Variants in ANKLE2 observed in about 807,000 individuals in gnomAD.
ANKLE2 encodes ankyrin repeat and LEM domain-containing protein 2.
In ANKLE2, 55 loss-of-function variants were observed where a neutral mutation model predicts 84.2. The ratio of observed to expected loss-of-function variants is 0.65; its 90% confidence interval spans 0.53 to 0.82. The LOEUF is 0.82. Ranked by LOEUF, ANKLE2 falls within the 40% of genes least tolerant of loss-of-function variation. The pLI, the probability that ANKLE2 is intolerant of heterozygous loss-of-function variation, is 0.00. For synonymous variants in ANKLE2, 551 were observed against 486.1 expected (o/e 1.13, Z -1.76); for missense variants, 1,238 against 1,201.9 (o/e 1.03, Z -0.44).
At chr12:132,761,106 A>G (rs1290953130) in intron 1 of ANKLE2, 1 of 152,660 alleles carries the variant, frequency 6.6e-6, no homozygotes, top group East Asian at 1.9e-4. Flanking sequence ...CAGACCCGAC[A>G]GTCTACCGCA....
chr12:132,761,788 G>T lies in ANKLE2; in HGVS notation c.11C>A (p.Pro4Gln). The T allele has an allele frequency of 9.7e-6, 11 of 1,137,994 alleles. No homozygotes were observed. The highest frequency in any genetic ancestry group is 1.2e-5 in the Non-Finnish European group (11 of 929,974). 70.5% of individuals were successfully genotyped at this position (1,137,994 alleles called of 1,614,324 possible). The change falls in exon 1 of 13, where the codon CCG becomes CAG. Residue 4 changes from proline to glutamine, a missense_variant. Physicochemically the swap from Pro to Gln is moderately conservative, Grantham distance 76. Around this residue, in one of 3 missense-constraint regions of ANKLE2, gnomAD observed 422 missense variants for 394.5 expected, o/e 1.07. Transcript: ENST00000357997. Reference protein sequence around the residue: MLWPRLAAAEWAAL... With the variant: MLWQRLAAAEWAAL... ...CGCCCACTCGGCCGCCGCCAGCCGC[G>T]GCCACAGCATCGCCGCCGCCCGGGC...
rs755464681 is a variant in ANKLE2 at position 132,730,143 on chromosome 12, C to T, written c.2019G>A (p.Arg673=). 6.2e-6 allele frequency: 10 copies of T among 1,612,238 alleles called. No individual in the cohort carries two copies. The Admixed American group carries it at 8.3e-5, about 13-fold the overall frequency. Reference sequence around the variant, plus strand: ...CCTGCTCCAAGGGGAAGGCGCTGCACCTCGTATGTCCAAAAGCACCGACTG... The same window carrying T: ...CCTGCTCCAAGGGGAAGGCGCTGCATCTCGTATGTCCAAAAGCACCGACTG... ...PPTVGAFGHT[R]CSAFPLEQEA... is the part of the protein sequence containing the mutation. Residue 673 remains arginine (R), a synonymous_variant, in exon 11 of 13, where the codon AGG becomes AGA. Coordinates refer to ENST00000357997, the MANE Select transcript of ANKLE2 (RefSeq NM_015114.3).
At chr12:132,730,358 CCCCAGCAACAGCAA>C (rs546416652) in intron 10 of ANKLE2, 88 bp from the exon 11 acceptor site, 95,890 of 461,592 alleles carry the variant, frequency 0.21, 11,576 homozygotes, top group East Asian at 0.62. Context: ...ACTGCCGTGA[CCCCAGCAACAGCAA>C]CTCTTATACC....
At chr12:132,755,620 G>C (rs1463279932) in intron 1 of ANKLE2, 1 of 151,712 alleles carries the variant, frequency 6.6e-6, no homozygotes, top group Non-Finnish European at 1.5e-5. Context: ...GAGTGCAGTG[G>C]TGCTATCGCA....
rs768549526 is a variant in ANKLE2 at position 132,730,199 on chromosome 12, G to C, written c.1963C>G (p.Gln655Glu). The C allele has an allele frequency of 2.5e-6, 4 of 1,599,880 alleles. No individual in the cohort carries two copies. In the South Asian group the frequency reaches 4.4e-5, roughly 18 times the overall value. The change falls in exon 11 of 13, where the codon CAA becomes GAA. Residue 655 changes from glutamine to glutamate, a missense_variant. Around this residue, in one of 3 missense-constraint regions of ANKLE2, gnomAD observed 802 missense variants for 774.5 expected, o/e 1.04. Transcript: ENST00000357997. ...GGGCTGTTATTTCGAGCTGCATTTT[G>C]CCGATTTTTTATTTCTTCCAAGCTC... Reference protein sequence around the residue: ...DMSLEEIKNRQNAARNNSPPT... With the variant: ...DMSLEEIKNRENAARNNSPPT...
intron 7 of ANKLE2, among the ~76,000 whole-genome samples, chr12:132,741,167 A>G (rs534526069): frequency 6.6e-6 from 1 of 152,328 alleles, no homozygotes; most frequent in East Asian, 1.9e-4. Context: ...GCGACACACA[A>G]CCTCAAAAAA....
At chr12:132,735,056 T>C (rs1352009267) in intron 9 of ANKLE2, 2 of 307,418 alleles carry the variant, frequency 6.5e-6, no homozygotes, top group African/African-American at 4.5e-5. Flanking sequence ...GATTACAGCA[T>C]AATTTAGCTT....
Position 132,730,071 on chromosome 12 carries a change from G to A in ANKLE2, c.2091C>T (p.Ser697=), listed in dbSNP as rs1270069410. 1.9e-6 allele frequency: 3 copies of A among 1,612,742 alleles called. No homozygotes were observed. Among genetic ancestry groups the A allele is most frequent in the African/African-American group, 2.7e-5 (2 of 75,040 alleles). The change falls in exon 11 of 13, where the codon AGC becomes AGT. Residue 697 remains serine, a synonymous_variant. Transcript: ENST00000357997. ...EAAEPGGPHS[S]RNGLCHPLNH... ...TCAGAGGATGGCAGAGCCCATTTCTGCTGCTGTGTGGACCTCCCGGCTCGG... is the reference window on the plus strand; with the variant it reads ...TCAGAGGATGGCAGAGCCCATTTCTACTGCTGTGTGGACCTCCCGGCTCGG...
chr12:132,735,641 G>T, intron 8 of ANKLE2, 129 bp from the exon 9 acceptor site: 1 of 713,460 alleles, frequency 1.4e-6, no homozygotes, highest in Non-Finnish European at 2.3e-6. Flanking sequence ...CCCTTCACTA[G>T]CAGATCCCTG....
At chr12:132,752,535 A>G (rs2044378915) in intron 2 of ANKLE2, among the ~76,000 whole-genome samples, 2 of 152,042 alleles carry the variant, frequency 1.3e-5, no homozygotes, top group South Asian at 2.1e-4. Context: ...ACACCCCGCT[A>G]ATTTTCTGTA....
Position 132,727,305 on chromosome 12 carries a change from G to A in ANKLE2, c.2754C>T (p.Tyr918=), listed in dbSNP as rs1189692543. The change falls in exon 13 of 13, where the codon TAC becomes TAT. Residue 918 remains tyrosine, a synonymous_variant. Transcript: ENST00000357997. ...AKPGLGSPGR[Y]SPVHGSQLRR... is the part of the protein sequence containing the mutation. Reference sequence around the variant, plus strand: ...GGAGCTGGCTCCCGTGCACGGGGCTGTAGCGCCCAGGACTGCCCAGGCCTG... The same window carrying A: ...GGAGCTGGCTCCCGTGCACGGGGCTATAGCGCCCAGGACTGCCCAGGCCTG... The A allele has an allele frequency of 3.8e-6, 6 of 1,564,978 alleles. No individual in the cohort carries two copies. The South Asian group carries it at 5.9e-5, about 15-fold the overall frequency.
In ANKLE2 at chr12:132,727,268, G is replaced by GC; in HGVS notation, c.2790dup (p.Arg931AlafsTer4). 6.4e-7 allele frequency: 1 copy of GC among 1,562,232 alleles called. No homozygotes were observed. Among genetic ancestry groups the GC allele is most frequent in the African/African-American group, 1.4e-5 (1 of 73,694 alleles). On this transcript the variant is annotated frameshift_variant, in exon 13 of 13. Coordinates refer to ENST00000357997, the MANE Select transcript of ANKLE2 (RefSeq NM_015114.3). LOFTEE classifies it high-confidence loss of function. Reference sequence around the variant, plus strand: ...TACAGGGCGGCAAGCTCAGCCAGGCGCGCCATCCTGCGGAGCTGGCTCCCG... The same window carrying GC: ...TACAGGGCGGCAAGCTCAGCCAGGCGCCGCCATCCTGCGGAGCTGGCTCCCG...
At chr12:132,742,771 T>G in intron 6 of ANKLE2, among the ~76,000 whole-genome samples, 1 of 150,742 alleles carries the variant, frequency 6.6e-6, no homozygotes. Flanking sequence ...CTCACCACCA[T>G]CATCCTCACT....
intron 2 of ANKLE2, among the ~76,000 whole-genome samples, chr12:132,754,044 C>T (rs1461420559): frequency 1.3e-5 from 2 of 151,614 alleles, no homozygotes; most frequent in Non-Finnish European, 2.9e-5. Context: ...AGTTCAAGAC[C>T]AGCCTGGCCA....
chr12:132,727,534 A>T, intron 12 of ANKLE2, 91 bp from the exon 13 acceptor site: 1 of 1,463,390 alleles, frequency 6.8e-7, no homozygotes, highest in Non-Finnish European at 9.3e-7. Flanking sequence ...AGACTCAGGC[A>T]CATGCGCCCG....
chr12:132,729,627 G>T, intron 11 of ANKLE2, 52 bp downstream of exon 11: 1 of 645,992 alleles, frequency 1.5e-6, no homozygotes. Flanking sequence ...GAGGGGGAGG[G>T]GGGAGGGAAG....
In ANKLE2 at chr12:132,728,182, G is replaced by A. The variant is rs1227828104; in HGVS notation, c.2484-19C>T. 2 of 1,603,054 alleles carry A rather than the reference G, an allele frequency of 1.2e-6. No homozygotes were observed. Among genetic ancestry groups the A allele is most frequent in the African/African-American group, 1.3e-5 (1 of 74,194 alleles). ...CTCCTCTCTAGAAAGCACAATAAAAGAAGCAAAAACATCTTTGGTAAAAAC... is the reference window on the plus strand; with the variant it reads ...CTCCTCTCTAGAAAGCACAATAAAAAAAGCAAAAACATCTTTGGTAAAAAC... On this transcript the variant is annotated intron_variant, in intron 11 of 12. Coordinates refer to ENST00000357997, the MANE Select transcript of ANKLE2 (RefSeq NM_015114.3).
intron 1 of ANKLE2, chr12:132,758,765 C>T (rs537628119): frequency 2.6e-5 from 4 of 152,432 alleles, no homozygotes; most frequent in African/African-American, 7.2e-5. Context: ...TTGTGATCCA[C>T]CTGCCTCGGC....
rs2044629284 is a variant in ANKLE2 at position 132,761,666 on chromosome 12, T to C, written c.133A>G (p.Ser45Gly). Reference protein sequence around the residue: ...LGPRPGGLGRSGTPVPPPSAA... With the variant: ...LGPRPGGLGRGGTPVPPPSAA... The stretch of plus-strand genomic sequence containing the variant: ...CTTGGCGGAGGAACTGGGGTCCCGC[T>C]GCGGCCCAGACCTCCCGGCCGCGGG... The change falls in exon 1 of 13, where the codon AGC becomes GGC. Residue 45 changes from serine to glycine, a missense_variant. Transcript: ENST00000357997. The C allele has an allele frequency of 7.6e-7, 1 of 1,308,558 alleles. No individual in the cohort carries two copies. Among genetic ancestry groups the C allele is most frequent in the Non-Finnish European group, 9.7e-7 (1 of 1,027,048 alleles). 81.1% of individuals were successfully genotyped at this position (1,308,558 alleles called of 1,614,324 possible).
Sources: gnomAD v4.1 joint callset for allele counts (sites outside exome capture counted in the v4.1 genomes callset) on GRCh38, gnomAD v4.1.1 for gene constraint, gnomAD v4.1.1 regional missense constraint, MANE v1.5 for transcripts, NCBI Gene and HGNC (gene_info 2026-07-23, HGNC 2026-07-21) for gene names.